Variants in SAMD4A observed in about 807,000 individuals in gnomAD.
The protein encoded by SAMD4A is sterile alpha motif domain containing 4A, also known as protein Smaug homolog 1.
In SAMD4A, 33 loss-of-function variants were observed where a neutral mutation model predicts 81.3. The observed-to-expected ratio is 0.41, with a 90% confidence interval of 0.31 to 0.54. The LOEUF is 0.54. SAMD4A is among the 20% of genes least tolerant of loss of function. The pLI, the probability that SAMD4A is intolerant of heterozygous loss-of-function variation, is 0.37. For synonymous variants in SAMD4A, 389 were observed against 382.1 expected, an observed-to-expected ratio of 1.02 and a Z score of -0.21; for missense variants, 854 against 951.1, an observed-to-expected ratio of 0.90 and a Z score of 1.34.
intron 2 of SAMD4A, among the ~76,000 whole-genome samples, chr14:54,671,074 G>C (rs1218723842): frequency 2.0e-5 from 3 of 152,142 alleles, no homozygotes; most frequent in African/African-American, 7.2e-5. Context: ...TCTTCAAGAA[G>C]CTTACCATCT....
chr14:54,619,392 G>C (rs55876756), intron 2 of SAMD4A, among the ~76,000 whole-genome samples: 1 of 152,066 alleles, frequency 6.6e-6, no homozygotes. Context: ...CTGTAACTTA[G>C]TGCTCAGCCC....
Position 54,791,060 on chromosome 14 carries a change from T to G in SAMD4A, c.*2116T>G, listed in dbSNP as rs1400430451. On this transcript the variant is annotated 3_prime_UTR_variant, in exon 13 of 13. Transcript: ENST00000554335. ...ATCCATGTGCAGAAAGAGATGGCAT[T>G]TTTTAGTTGATTATTTTTAACCAAG... is the stretch of plus-strand genomic sequence containing the variant. 2 of 152,168 alleles carry G rather than the reference T, an allele frequency of 1.3e-5. No individual in the cohort carries two copies. The highest frequency in any genetic ancestry group is 2.9e-5 in the Non-Finnish European group (2 of 68,040). 9.4% of individuals were successfully genotyped at this position (152,168 alleles called of 1,614,324 possible). A position where few individuals can be genotyped will look rare whatever the true frequency, so the allele number is the denominator to read the frequency against.
intron 2 of SAMD4A, chr14:54,685,821 T>C (rs1413305787): frequency 2.2e-6 from 1 of 456,688 alleles, no homozygotes; most frequent in Non-Finnish European, 4.4e-6. Flanking sequence ...GAGGTATGCA[T>C]CCGAAGGGTA....
intron 3 of SAMD4A, among the ~76,000 whole-genome samples, chr14:54,717,404 G>C (rs2037144899): frequency 6.7e-6 from 1 of 148,794 alleles, no homozygotes; most frequent in Non-Finnish European, 1.5e-5. Flanking sequence ...TTGCACCACT[G>C]CACTCCAGCC....
chr14:54,774,863 T>G, intron 9 of SAMD4A, 71 bp from the exon 10 acceptor site: 6 of 1,430,008 alleles, frequency 4.2e-6, no homozygotes, highest in Non-Finnish European at 4.9e-6. Flanking sequence ...CGACATCCCT[T>G]GGGAAGCCTG....
chr14:54,670,878 A>G (rs12050376), intron 2 of SAMD4A, among the ~76,000 whole-genome samples: 43,162 of 152,164 alleles, frequency 0.28, 6,973 homozygotes, highest in Admixed American at 0.4. Context: ...AAGTAAATAT[A>G]AACATTGCAG....
chr14:54,773,751 C>T (rs916848667), intron 9 of SAMD4A, among the ~76,000 whole-genome samples: 6 of 152,206 alleles, frequency 3.9e-5, no homozygotes, highest in South Asian at 2.1e-4. Context: ...ACATCATCTC[C>T]GACCTTATAT....
chr14:54,597,651 A>G (rs1470804729), intron 2 of SAMD4A, among the ~76,000 whole-genome samples: 1 of 137,882 alleles, frequency 7.3e-6, no homozygotes, highest in African/African-American at 2.8e-5. Flanking sequence ...GTGCAGTGGC[A>G]TGATCATGGC....
chr14:54,587,703 A>T (rs2033661886), intron 2 of SAMD4A, among the ~76,000 whole-genome samples: 1 of 152,194 alleles, frequency 6.6e-6, no homozygotes, highest in Non-Finnish European at 1.5e-5. Flanking sequence ...GGACTTACAT[A>T]TGTTAAATCA....
rs571786758 is a variant in SAMD4A, at chr14:54,650,323, T to C, written c.197-51739T>C. On this transcript the variant is annotated intron_variant, in intron 2 of 12. Transcript: ENST00000554335. ...TTGCTTAAATAGATAAAATTAGAAT[T>C]CTTTCCATGGGATTCCTTTCTGTTT... 1.9e-3 allele frequency among the ~76,000 whole-genome samples: 293 copies of C among 152,352 alleles called. 3 individuals are homozygous for C. The highest frequency in any genetic ancestry group is 6.6e-3 in the African/African-American group (276 of 41,590).
At chr14:54,713,329 A>G (rs1248063035) in intron 3 of SAMD4A, among the ~76,000 whole-genome samples, 6 of 152,154 alleles carry the variant, frequency 3.9e-5, no homozygotes, top group African/African-American at 1.4e-4. Context: ...CATTCCGGCC[A>G]TCTCCCATCC....
intron 8 of SAMD4A, among the ~76,000 whole-genome samples, chr14:54,767,430 T>G (rs900814679): frequency 6.6e-6 from 1 of 152,230 alleles, no homozygotes; most frequent in African/African-American, 2.4e-5. Flanking sequence ...TGAATTTTAC[T>G]TCTGAGACCA....
chr14:54,691,552 A>C (rs1307327939), intron 2 of SAMD4A, among the ~76,000 whole-genome samples: 42 of 44,426 alleles, frequency 9.5e-4, no homozygotes, highest in African/African-American at 2.8e-3. Flanking sequence ...CCCTTCTCAA[A>C]AAAAAAAAAA....
chr14:54,747,375 A>G (rs2037993948), intron 4 of SAMD4A, among the ~76,000 whole-genome samples: 3 of 152,216 alleles, frequency 2.0e-5, no homozygotes, highest in Admixed American at 1.3e-4. Context: ...TCAGGAGATT[A>G]TCCCATACCC....
Position 54,651,609 on chromosome 14 carries a change from CAAG to C in SAMD4A, c.197-50451_197-50449del, listed in dbSNP as rs560757637. On this transcript the variant is annotated intron_variant, in intron 2 of 12. Coordinates refer to ENST00000554335, the MANE Select transcript of SAMD4A (RefSeq NM_015589.6). Reference sequence around the variant, plus strand: ...CTTACTAGTAAATATGCACTACCCACAAGAGATTTTTAGAATAACCTCTTTTGA... The same window carrying C: ...CTTACTAGTAAATATGCACTACCCACAGATTTTTAGAATAACCTCTTTTGA... 6.4e-3 allele frequency among the ~76,000 whole-genome samples: 976 copies of C among 152,282 alleles called. 6 individuals carry two copies. Among genetic ancestry groups the C allele is most frequent in the South Asian group, 0.015 (70 of 4,814 alleles).
chr14:54,672,684 G>A (rs1457005976), intron 2 of SAMD4A, among the ~76,000 whole-genome samples: 1 of 152,144 alleles, frequency 6.6e-6, no homozygotes, highest in Non-Finnish European at 1.5e-5. Context: ...TAAGGATGTA[G>A]GGCAATTTCT....
At chr14:54,681,839 G>C (rs929086716) in intron 2 of SAMD4A, 14 of 985,368 alleles carry the variant, frequency 1.4e-5, no homozygotes, top group Non-Finnish European at 1.7e-5. Flanking sequence ...GTAAGAATTG[G>C]AACTCTCCCA....
intron 2 of SAMD4A, among the ~76,000 whole-genome samples, chr14:54,684,622 C>G (rs1175058617): frequency 2.2e-5 from 3 of 135,990 alleles, no homozygotes; most frequent in Admixed American, 2.2e-4. Flanking sequence ...GCCCCCCCCC[C>G]CAACCAGAAA....
At chr14:54,780,098 C>T (rs1053163509) in intron 11 of SAMD4A, among the ~76,000 whole-genome samples, 2 of 152,106 alleles carry the variant, frequency 1.3e-5, no homozygotes, top group African/African-American at 4.8e-5. Context: ...TCTTTACCCC[C>T]TGGAGGGCCT....
Sources: allele counts gnomAD v4.1 joint callset (sites outside exome capture counted in the v4.1 genomes callset), GRCh38; gene constraint gnomAD v4.1.1; transcripts MANE v1.5; gene names NCBI Gene and HGNC (gene_info 2026-07-23, HGNC 2026-07-21).